Variants in MOXD1 observed in about 807,000 individuals in gnomAD.
The protein encoded by MOXD1 is DBH-like monooxygenase protein 1.
Under a neutral mutation model 66.6 loss-of-function variants are expected in MOXD1, and 62 were observed. The observed-to-expected ratio is 0.93, with a 90% CI of 0.76 to 1.15. The LOEUF (loss-of-function observed/expected upper bound fraction) is 1.15. Ranked by LOEUF, MOXD1 falls within the 50% of genes most tolerant of loss-of-function variation. MOXD1 has a pLI of 0.00. For synonymous variants in MOXD1, 303 were observed against 281.9 expected (o/e 1.07, Z -0.75); for missense variants, 847 against 754.6 (o/e 1.12, Z -1.44).
intron 6 of MOXD1, among the ~76,000 whole-genome samples, chr6:132,326,303 C>T (rs1352615739): frequency 6.6e-6 from 1 of 151,652 alleles, no homozygotes; most frequent in Non-Finnish European, 1.5e-5. Flanking sequence ...ACTAAAAATC[C>T]TGAGTTCTCT....
chr6:132,329,442 G>A (rs1158558878), intron 4 of MOXD1, among the ~76,000 whole-genome samples: 1 of 152,020 alleles, frequency 6.6e-6, no homozygotes, highest in African/African-American at 2.4e-5. Flanking sequence ...ACATGTGCAT[G>A]TGTCTTTATA....
At chr6:132,336,783 G>T (rs965703580) in intron 4 of MOXD1, among the ~76,000 whole-genome samples, 1 of 152,074 alleles carries the variant, frequency 6.6e-6, no homozygotes, top group Non-Finnish European at 1.5e-5. Context: ...GGGCGAGGAG[G>T]CTTCTGGGAA....
chr6:132,303,831 GTGTGTATATATATATA>G (rs1456011269), intron 10 of MOXD1, among the ~76,000 whole-genome samples: 1 of 66,734 alleles, frequency 1.5e-5, no homozygotes, highest in South Asian at 5.1e-4. Flanking sequence ...GTGTGTGTGT[GTGTGTATATATATATA>G]TATATATATA....
intron 4 of MOXD1, among the ~76,000 whole-genome samples, chr6:132,364,543 AAG>A (rs1776077039): frequency 6.6e-6 from 1 of 152,176 alleles, no homozygotes; most frequent in Non-Finnish European, 1.5e-5. Context: ...GTGAATGAGA[AAG>A]AGAGTTTGAA....
intron 4 of MOXD1, among the ~76,000 whole-genome samples, chr6:132,330,980 C>T (rs35589902): frequency 0.18 from 28,046 of 152,108 alleles, 3,618 homozygotes; most frequent in African/African-American, 0.36. Flanking sequence ...ACATTGCACA[C>T]GGTTTTGTTT....
chr6:132,302,344 G>T (rs1193585421), intron 10 of MOXD1, among the ~76,000 whole-genome samples: 5 of 152,104 alleles, frequency 3.3e-5, no homozygotes, highest in African/African-American at 1.2e-4. Flanking sequence ...TGTTGTCTAT[G>T]TCTAGTCAAA....
chr6:132,302,635 A>G (rs909377504), intron 10 of MOXD1, among the ~76,000 whole-genome samples: 4 of 152,130 alleles, frequency 2.6e-5, no homozygotes, highest in African/African-American at 9.7e-5. Flanking sequence ...ATTCTCTCAA[A>G]TTGTCTAGAA....
intron 4 of MOXD1, among the ~76,000 whole-genome samples, chr6:132,365,764 A>C (rs1350305135): frequency 6.6e-6 from 1 of 152,196 alleles, no homozygotes; most frequent in East Asian, 1.9e-4. Flanking sequence ...AATGAACTTT[A>C]CAACATTGAA....
intron 1 of MOXD1, among the ~76,000 whole-genome samples, chr6:132,376,193 C>T (rs994651747): frequency 6.6e-6 from 1 of 152,178 alleles, no homozygotes; most frequent in Non-Finnish European, 1.5e-5. Flanking sequence ...TTAGAATATA[C>T]ATGCTGAAAC....
chr6:132,356,167 A>C (rs941746438), intron 4 of MOXD1, among the ~76,000 whole-genome samples: 5 of 152,210 alleles, frequency 3.3e-5, no homozygotes, highest in African/African-American at 1.2e-4. Context: ...GAGTCAGTTC[A>C]CCTTATGAAA....
rs1776670438 is a variant in MOXD1, at chr6:132,387,279, C to A, written c.265-12502G>T. 2.0e-5 allele frequency among the ~76,000 whole-genome samples: 3 copies of A among 151,498 alleles called. No individual in the cohort carries two copies. In the South Asian group the frequency reaches 6.4e-4, roughly 32 times the overall value. On this transcript the variant is annotated intron_variant, in intron 1 of 11. Coordinates refer to ENST00000367963, the MANE Select transcript of MOXD1 (RefSeq NM_015529.4). The stretch of plus-strand genomic sequence containing the variant: ...TATAGCTAATACGTAGAGCTTTTTC[C>A]TATGAATTCCAGTTAAGTACAATTT...
At chr6:132,332,637 C>T (rs1363837304) in intron 4 of MOXD1, among the ~76,000 whole-genome samples, 2 of 152,044 alleles carry the variant, frequency 1.3e-5, no homozygotes, top group Non-Finnish European at 2.9e-5. Context: ...TTGATCAGTG[C>T]AGGACAGGGC....
rs775577479 is a variant in MOXD1 at position 132,297,804 on chromosome 6, C to T, written c.1660G>A (p.Asp554Asn). Residue 554 changes from aspartate (D) to asparagine (N), a missense_variant, in exon 11 of 12, where the codon GAC (aspartate) becomes AAC (asparagine). By Grantham distance (23) the Asp-to-Asn change is conservative. Transcript: ENST00000367963. ...LPVNVRCSKT[D>N]NAEWSIQGMT... ...GAGCTTACCGACCACTCAGCATTGT[C>T]TGTCTTGGAACATCTCACATTCACT... The T allele has an allele frequency of 1.9e-6, 3 of 1,605,034 alleles. No homozygotes were observed. Among genetic ancestry groups the T allele is most frequent in the East Asian group, 2.2e-5 (1 of 44,660 alleles).
intron 4 of MOXD1, among the ~76,000 whole-genome samples, chr6:132,335,493 C>T (rs1021726108): frequency 6.6e-5 from 10 of 151,972 alleles, no homozygotes; most frequent in South Asian, 4.2e-4. Context: ...GACATAGATA[C>T]ATACAGAGAG....
chr6:132,349,339 C>T (rs1451854983), intron 4 of MOXD1, among the ~76,000 whole-genome samples: 1 of 143,700 alleles, frequency 7.0e-6, no homozygotes, highest in African/African-American at 2.6e-5. Flanking sequence ...AGTAGTATTC[C>T]ATCATATATA....
intron 1 of MOXD1, chr6:132,392,020 AAT>A: frequency 4.6e-6 from 3 of 658,934 alleles, no homozygotes; most frequent in Non-Finnish European, 7.4e-6. Flanking sequence ...AAGACTTATA[AAT>A]ATCTCTTAAC....
At chr6:132,400,159 A>C (rs936025023) in intron 1 of MOXD1, among the ~76,000 whole-genome samples, 44 of 152,236 alleles carry the variant, frequency 2.9e-4, no homozygotes, top group African/African-American at 1.0e-3. Context: ...TGGGGATAAA[A>C]TTACTAAGAA....
At chr6:132,326,215 TTA>T (rs1775185317) in intron 6 of MOXD1, among the ~76,000 whole-genome samples, 1 of 152,032 alleles carries the variant, frequency 6.6e-6, no homozygotes, top group Non-Finnish European at 1.5e-5. Flanking sequence ...CAAATTCGTA[TTA>T]TGTTATATTT....
At chr6:132,380,942 T>G (rs1776496100) in intron 1 of MOXD1, among the ~76,000 whole-genome samples, 1 of 152,164 alleles carries the variant, frequency 6.6e-6, no homozygotes, top group South Asian at 2.1e-4. Flanking sequence ...GAGACCGACA[T>G]TAGTATTCAG....
Sources: gnomAD v4.1 joint callset for allele counts (sites outside exome capture counted in the v4.1 genomes callset) on GRCh38, gnomAD v4.1.1 for gene constraint, MANE v1.5 for transcripts, NCBI Gene and HGNC (gene_info 2026-07-23, HGNC 2026-07-21) for gene names.